The following GRM1 variants were observed in gnomAD, a reference collection of about 807,000 sequenced individuals.
The protein encoded by GRM1 is glutamate metabotropic receptor 1, also known as metabotropic glutamate receptor 1.
Under a neutral mutation model 90.9 loss-of-function variants are expected in GRM1, and 33 were observed. That is an observed-to-expected ratio of 0.36 (90% CI 0.28 to 0.49). GRM1 has a LOEUF of 0.49. Ranked by LOEUF, GRM1 falls within the 20% of genes least tolerant of loss-of-function variation. GRM1 has a pLI of 0.99. For missense variants in GRM1, 1,190 were observed against 1,534.3 expected (o/e 0.78, Z 3.75); for synonymous variants, 700 against 613.2 (o/e 1.14, Z -2.09).
At chr6:146,226,121 G>A (rs1168369503) in intron 2 of GRM1, among the ~76,000 whole-genome samples, 1 of 152,138 alleles carries the variant, frequency 6.6e-6, no homozygotes, top group East Asian at 1.9e-4. Context: ...CTTCATGATT[G>A]GCTAAGGGAT....
intron 1 of GRM1, among the ~76,000 whole-genome samples, chr6:146,122,609 A>G (rs1776031558): frequency 6.6e-6 from 1 of 152,050 alleles, no homozygotes; most frequent in African/African-American, 2.4e-5. Flanking sequence ...ACACTGGAGA[A>G]TATCTCAGCA....
At chr6:146,172,810 T>A (rs1176977920) in intron 2 of GRM1, among the ~76,000 whole-genome samples, 2 of 152,176 alleles carry the variant, frequency 1.3e-5, no homozygotes, top group African/African-American at 4.8e-5. Context: ...TTTGTCATAT[T>A]TAATGGCATT....
At chr6:146,195,899 A>G (rs560872066) in intron 2 of GRM1, among the ~76,000 whole-genome samples, 5 of 152,356 alleles carry the variant, frequency 3.3e-5, no homozygotes, top group East Asian at 1.9e-4. Context: ...GATGAAGAAT[A>G]GATTCAACAG....
intron 3 of GRM1, among the ~76,000 whole-genome samples, chr6:146,330,089 G>A (rs1784535793): frequency 6.6e-6 from 1 of 152,140 alleles, no homozygotes; most frequent in South Asian, 2.1e-4. Flanking sequence ...GAACCCAGTT[G>A]ACCAAATTGA....
At chr6:146,033,239 G>A (rs1790768903) in intron 1 of GRM1, among the ~76,000 whole-genome samples, 1 of 152,076 alleles carries the variant, frequency 6.6e-6, no homozygotes, top group Admixed American at 6.5e-5. Context: ...ATGCACTTTG[G>A]AGCAAGCTGC....
intron 3 of GRM1, among the ~76,000 whole-genome samples, chr6:146,326,555 A>G (rs899708621): frequency 6.6e-6 from 1 of 152,214 alleles, no homozygotes; most frequent in Non-Finnish European, 1.5e-5. Flanking sequence ...AAGTTTACTT[A>G]TGTAAGAAAC....
chr6:146,145,470 A>G (rs906810419), intron 1 of GRM1, among the ~76,000 whole-genome samples: 9 of 152,352 alleles, frequency 5.9e-5, no homozygotes, highest in Non-Finnish European at 1.2e-4. Context: ...TCTGTCCCCA[A>G]GCACACTGCG....
chr6:146,144,434 A>G (rs1777013426), intron 1 of GRM1, among the ~76,000 whole-genome samples: 1 of 152,206 alleles, frequency 6.6e-6, no homozygotes, highest in African/African-American at 2.4e-5. Context: ...TACCACACTC[A>G]ACCTCTTCAC....
chr6:146,069,962 T>C (rs1482808953), intron 1 of GRM1, among the ~76,000 whole-genome samples: 1 of 152,164 alleles, frequency 6.6e-6, no homozygotes, highest in Non-Finnish European at 1.5e-5. Context: ...ATGGAGGAGA[T>C]GGGATTTAAC....
intron 1 of GRM1, among the ~76,000 whole-genome samples, chr6:146,110,189 T>G (rs1441603124): frequency 6.6e-6 from 1 of 152,142 alleles, no homozygotes; most frequent in African/African-American, 2.4e-5. Flanking sequence ...CGATATGGTT[T>G]TGCTGTGTCT....
chr6:146,276,780 C>T (rs1397157885), intron 2 of GRM1, among the ~76,000 whole-genome samples: 3 of 151,916 alleles, frequency 2.0e-5, no homozygotes, highest in African/African-American at 7.3e-5. Context: ...TTGATTTGTA[C>T]ATTTTATCTT....
chr6:146,422,845 G>A lies in GRM1; in HGVS notation c.2661-11027G>A, dbSNP rs559095820. Among the ~76,000 whole-genome samples the A allele has an allele frequency of 7.0e-4, 107 of 151,992 alleles. 1 individual carries two copies. Among genetic ancestry groups the A allele is most frequent in the Non-Finnish European group, 1.0e-4 (7 of 67,996 alleles). The stretch of plus-strand genomic sequence containing the variant: ...CTATTTGGACAATGGAAATATATGG[G>A]TAAAGTTACGCAGAATCCATCAGTG... On this transcript the variant is annotated intron_variant, in intron 7 of 7. Coordinates refer to ENST00000282753, the MANE Select transcript of GRM1 (RefSeq NM_001278064.2).
chr6:146,183,158 G>A (rs778982233), intron 2 of GRM1, among the ~76,000 whole-genome samples: 16 of 151,946 alleles, frequency 1.1e-4, no homozygotes, highest in East Asian at 1.9e-4. Context: ...ATCATCTATC[G>A]TCTAGTCACT....
intron 1 of GRM1, among the ~76,000 whole-genome samples, chr6:146,151,110 G>C (rs1295906612): frequency 6.6e-6 from 1 of 152,170 alleles, no homozygotes. Context: ...TTGGTTGACA[G>C]GGAGTGATCT....
At chr6:146,372,817 A>G (rs1338371604) in intron 5 of GRM1, among the ~76,000 whole-genome samples, 3 of 152,040 alleles carry the variant, frequency 2.0e-5, no homozygotes, top group Non-Finnish European at 4.4e-5. Context: ...GAATTGGTCT[A>G]TGTGCCTGTT....
intron 2 of GRM1, among the ~76,000 whole-genome samples, chr6:146,254,570 C>A (rs1781419552): frequency 1.3e-5 from 2 of 152,106 alleles, no homozygotes; most frequent in Non-Finnish European, 2.9e-5. Flanking sequence ...TATGTATATG[C>A]ATGTTTGTAT....
At chr6:146,181,258 A>C (rs1344432397) in intron 2 of GRM1, among the ~76,000 whole-genome samples, 5 of 152,042 alleles carry the variant, frequency 3.3e-5, no homozygotes. Flanking sequence ...AACAAAAAAA[A>C]CCACAACAAA....
chr6:146,316,593 C>A (rs1783978589), intron 3 of GRM1, among the ~76,000 whole-genome samples: 1 of 152,152 alleles, frequency 6.6e-6, no homozygotes, highest in African/African-American at 2.4e-5. Context: ...GAAACAGATT[C>A]GAAAAGTCAT....
intron 7 of GRM1, among the ~76,000 whole-genome samples, chr6:146,407,003 T>C (rs3804303): frequency 0.045 from 6,920 of 152,220 alleles, 261 homozygotes; most frequent in East Asian, 0.2. Flanking sequence ...TGACGGGTCA[T>C]AGTGCCTAGG....
Sources: allele counts gnomAD v4.1 joint callset (sites outside exome capture counted in the v4.1 genomes callset), GRCh38; gene constraint gnomAD v4.1.1; transcripts MANE v1.5; gene names NCBI Gene and HGNC (gene_info 2026-07-23, HGNC 2026-07-21).